WDR4: variants seen among roughly 807,000 people sequenced by gnomAD.
WDR4 encodes the protein tRNA (guanine-N(7)-)-methyltransferase non-catalytic subunit WDR4.
A neutral mutation model predicts 48.6 loss-of-function variants in WDR4; 47 were observed. That is an observed-to-expected ratio of 0.97 (90% CI 0.77 to 1.23). The LOEUF (loss-of-function observed/expected upper bound fraction) is 1.23. Among genes scored for constraint, WDR4 ranks in the 50% most tolerant of loss-of-function variants. WDR4 has a pLI of 0.00. For synonymous variants in WDR4, 268 were observed against 230.0 expected (o/e 1.17, Z -1.49); for missense variants, 606 against 551.6 (o/e 1.10, Z -0.99).
At chr21:42,876,823 A>T (rs1218468956) in intron 1 of WDR4, 56 bp from the exon 2 acceptor site, 98 of 1,347,382 alleles carry the variant, frequency 7.3e-5, no homozygotes, top group South Asian at 5.1e-4. Flanking sequence ...GAAATAACAA[A>T]TTTTTTTTTT....
At chr21:42,887,499 T>A in the WDR4 span, among the ~76,000 whole-genome samples, 1 of 152,030 alleles carries the variant, frequency 6.6e-6, no homozygotes, top group Non-Finnish European at 1.5e-5. Flanking sequence ...CACGAGGAAA[T>A]GTCTCGTGTC....
chr21:42,852,242 C>A lies in WDR4; in HGVS notation c.1045+13G>T, dbSNP rs753200511. 6.2e-7 allele frequency: 1 copy of A among 1,613,822 alleles called. No individual in the cohort carries two copies. The highest frequency in any genetic ancestry group is 8.5e-7 in the Non-Finnish European group (1 of 1,179,980). ...GTGTGACCCCCAAGGGCAGCCTGCA[C>A]CCGTGCTCTCACCTTCCAGCATGGC... On this transcript the variant is annotated intron_variant, in intron 10 of 10. Transcript: ENST00000398208.
upstream of WDR4, among the ~76,000 whole-genome samples, chr21:42,880,183 G>A (rs1193273575): frequency 6.6e-6 from 1 of 151,932 alleles, no homozygotes; most frequent in Non-Finnish European, 1.5e-5. Context: ...GTCTCGGGTG[G>A]CGTCAAGTCT....
chr21:42,889,631 GTT>G, the WDR4 span, among the ~76,000 whole-genome samples: 3 of 151,942 alleles, frequency 2.0e-5, no homozygotes, highest in African/African-American at 4.8e-5. Context: ...CTACTTCTCT[GTT>G]TTTTTTGGAT....
downstream of WDR4, among the ~76,000 whole-genome samples, chr21:42,848,494 G>A (rs1341565014): frequency 0.029 from 823 of 28,394 alleles, 3 homozygotes; most frequent in African/African-American, 0.034. Flanking sequence ...CTCACACAGC[G>A]CACGATCACA....
At chr21:42,876,589 T>A in intron 2 of WDR4, 113 bp downstream of exon 2, 1 of 991,628 alleles carries the variant, frequency 1.0e-6, no homozygotes, top group Non-Finnish European at 1.5e-6. Flanking sequence ...TCTGCACCAC[T>A]GTGTGACAGA....
the WDR4 span, among the ~76,000 whole-genome samples, chr21:42,891,285 G>A: frequency 1.3e-5 from 2 of 149,744 alleles, no homozygotes; most frequent in East Asian, 2.0e-4. Context: ...TTGCCCCTGC[G>A]CCACTGCACT....
intron 6 of WDR4, among the ~76,000 whole-genome samples, chr21:42,856,913 C>T (rs2058007958): frequency 6.6e-6 from 1 of 152,100 alleles, no homozygotes; most frequent in South Asian, 2.1e-4. Context: ...TGTTTAATAA[C>T]CATGAACCCA....
At chr21:42,874,499 CG>C (rs1288126497) in intron 2 of WDR4, among the ~76,000 whole-genome samples, 1 of 152,150 alleles carries the variant, frequency 6.6e-6, no homozygotes, top group Non-Finnish European at 1.5e-5. Flanking sequence ...GTGAGCCAGG[CG>C]GAACAGAGCC....
At position 42,879,427 on chromosome 21, in the gene WDR4, C is replaced by A. The variant is rs768624363; in HGVS notation, c.69G>T (p.Leu23=). The A allele has an allele frequency of 6.2e-7, 1 of 1,613,830 alleles. No individual in the cohort carries two copies. ...TLVVRGGSRF[L]ATSIASSDDD... The stretch of plus-strand genomic sequence containing the variant: ...CTCACCTGCTTGCTATGGAGGTGGC[C>A]AGGAATCGGCTGCCGCCCCGCACCA... The change falls in exon 1 of 11, where the codon CTG becomes CTT. Residue 23 remains leucine, a synonymous_variant. Coordinates refer to ENST00000398208, the MANE Select transcript of WDR4 (RefSeq NM_018669.6).
downstream of WDR4, among the ~76,000 whole-genome samples, chr21:42,847,316 G>A (rs1003729348): frequency 1.3e-5 from 2 of 152,164 alleles, no homozygotes; most frequent in African/African-American, 4.8e-5. Context: ...TACACGCGGA[G>A]CTGGGTTCAA....
At chr21:42,860,478 A>C (rs1230312881) in intron 5 of WDR4, among the ~76,000 whole-genome samples, 1 of 152,212 alleles carries the variant, frequency 6.6e-6, no homozygotes, top group East Asian at 1.9e-4. Flanking sequence ...GCCTCAAGCA[A>C]TCCCTCATGC....
chr21:42,867,069 C>T (rs144304618), intron 3 of WDR4, among the ~76,000 whole-genome samples: 64 of 152,222 alleles, frequency 4.2e-4, no homozygotes, highest in African/African-American at 1.2e-3. Context: ...ATTTCCTACA[C>T]GAAGTTATAC....
At chr21:42,850,931 G>A (rs919037241) in intron 10 of WDR4, among the ~76,000 whole-genome samples, 10 of 152,180 alleles carry the variant, frequency 6.6e-5, no homozygotes, top group Admixed American at 3.3e-4. Flanking sequence ...CCGGTAACCC[G>A]CGCACCAGCG....
At chr21:42,874,799 G>A (rs1213227760) in intron 2 of WDR4, among the ~76,000 whole-genome samples, 1 of 152,082 alleles carries the variant, frequency 6.6e-6, no homozygotes, top group Non-Finnish European at 1.5e-5. Flanking sequence ...AGTGGTGCCC[G>A]AAACTTATTA....
chr21:42,872,256 T>C (rs1213904569), intron 3 of WDR4, among the ~76,000 whole-genome samples: 1 of 152,064 alleles, frequency 6.6e-6, no homozygotes, highest in African/African-American at 2.4e-5. Context: ...CCCAAAGTGC[T>C]AGGATTACAG....
In WDR4 at chr21:42,879,156, C is replaced by T. The variant is rs183745524; in HGVS notation, c.89+251G>A. 2.2e-4 allele frequency: 283 copies of T among 1,296,980 alleles called. No homozygotes were observed. The African/African-American group carries it at 4.0e-3, about 18-fold the overall frequency. The allele number at this position is 1,296,980 out of a possible 1,614,324, so 80.3% of individuals were successfully genotyped here. On this transcript the variant is annotated intron_variant, in intron 1 of 10. Transcript: ENST00000398208. ...GCTAACCGGGCAAGAACACCGCAGA[C>T]CAGCCATCTAGTGCAAGGAGCGCGC...
chr21:42,861,025 G>A (rs556972302), intron 5 of WDR4, among the ~76,000 whole-genome samples: 5 of 152,250 alleles, frequency 3.3e-5, no homozygotes, highest in African/African-American at 7.2e-5. Flanking sequence ...AAAAGTAAAC[G>A]GGCAGGCCGG....
downstream of WDR4, among the ~76,000 whole-genome samples, chr21:42,844,282 T>C (rs1022899787): frequency 6.6e-6 from 1 of 152,026 alleles, no homozygotes; most frequent in African/African-American, 2.4e-5. Flanking sequence ...CCTACAAATC[T>C]TGACAAACCC....
Sources: allele counts gnomAD v4.1 joint callset (sites outside exome capture counted in the v4.1 genomes callset), GRCh38; gene constraint gnomAD v4.1.1; transcripts MANE v1.5; gene names NCBI Gene and HGNC (gene_info 2026-07-23, HGNC 2026-07-21).